The following GLB1L2 variants were observed in gnomAD, a reference collection of about 807,000 sequenced individuals.
GLB1L2 encodes the protein galactosidase beta 1 like 2, also known as beta-galactosidase-1-like protein 2.
In GLB1L2, 68 loss-of-function variants were observed where a neutral mutation model predicts 84.1. The ratio of observed to expected loss-of-function variants is 0.81; its 90% confidence interval spans 0.67 to 0.99. The LOEUF is 0.99. Among genes scored for constraint, GLB1L2 ranks in the 50% least tolerant of loss-of-function variants. The pLI, the probability that GLB1L2 is intolerant of heterozygous loss-of-function variation, is 0.00. For missense variants in GLB1L2, 762 were observed against 805.6 expected (o/e 0.95, Z 0.66); for synonymous variants, 290 against 318.0 (o/e 0.91, Z 0.94).
In GLB1L2 at chr11:134,334,128, G is replaced by A. The variant is rs956969034; in HGVS notation, c.86+1981G>A. Among the ~76,000 whole-genome samples the A allele has an allele frequency of 6.6e-6, 1 of 152,080 alleles. No homozygotes were observed. The highest frequency in any genetic ancestry group is 2.4e-5 in the African/African-American group (1 of 41,406). On this transcript the variant is annotated intron_variant, in intron 1 of 18. Coordinates refer to ENST00000535456, the MANE Select transcript of GLB1L2 (RefSeq NM_001370461.1). The surrounding 1 kb of genome is among the most constrained non-coding windows in gnomAD (Gnocchi z 4.1). ...TCCTGTCTTGCCCCAGCTCTGACTGGGTCATTAACTGAGTGGGAGGTGGGG... is the reference window on the plus strand; with the variant it reads ...TCCTGTCTTGCCCCAGCTCTGACTGAGTCATTAACTGAGTGGGAGGTGGGG...
chr11:134,368,389 A>G (rs1207285735), intron 9 of GLB1L2, among the ~76,000 whole-genome samples: 3 of 152,190 alleles, frequency 2.0e-5, no homozygotes, highest in East Asian at 1.9e-4. Flanking sequence ...GGTGGTCCAC[A>G]TGGAGCTCAG....
intron 6 of GLB1L2, among the ~76,000 whole-genome samples, chr11:134,357,803 G>A (rs1416753867): frequency 6.6e-6 from 1 of 152,260 alleles, no homozygotes; most frequent in East Asian, 1.9e-4. Flanking sequence ...AGTGGTGTGA[G>A]AGAACAGGTG....
At chr11:134,343,497 A>G (rs932830655) in intron 2 of GLB1L2, among the ~76,000 whole-genome samples, 2 of 152,192 alleles carry the variant, frequency 1.3e-5, no homozygotes, top group African/African-American at 4.8e-5. Context: ...TTTCCCCCCA[A>G]ATTGCCAACT....
At chr11:134,369,770 C>T (rs756281925) in intron 10 of GLB1L2, 35 bp from the exon 11 acceptor site, 1 of 1,587,436 alleles carries the variant, frequency 6.3e-7, no homozygotes, top group South Asian at 1.1e-5. Context: ...GTGCTGGGGA[C>T]AGGAATGACC....
chr11:134,362,691 C>T (rs79816300), intron 7 of GLB1L2, among the ~76,000 whole-genome samples: 1,882 of 152,334 alleles, frequency 0.012, 36 homozygotes, highest in African/African-American at 0.043. Context: ...CCCGCCCTCC[C>T]CTCCACCTGC....
intron 8 of GLB1L2, 68 bp from the exon 9 acceptor site, chr11:134,367,189 C>T (rs1229932116): frequency 1.5e-6 from 2 of 1,300,078 alleles, no homozygotes; most frequent in Admixed American, 1.8e-5. Context: ...GGGCTCCCCT[C>T]CATGAAGAGC....
At chr11:134,345,580 C>T (rs906223503) in intron 4 of GLB1L2, among the ~76,000 whole-genome samples, 1 of 152,220 alleles carries the variant, frequency 6.6e-6, no homozygotes, top group African/African-American at 2.4e-5. Context: ...AAGCGATTCT[C>T]CTGCCTCAGC....
intron 1 of GLB1L2, among the ~76,000 whole-genome samples, chr11:134,336,420 GATAGCTACAC>G (rs1192008307): frequency 6.6e-6 from 1 of 152,150 alleles, no homozygotes; most frequent in Admixed American, 6.5e-5. Flanking sequence ...TATACAAGAA[GATAGCTACAC>G]ATATTATCCC....
chr11:134,367,868 C>G (rs1220397486), intron 9 of GLB1L2, among the ~76,000 whole-genome samples: 1 of 152,234 alleles, frequency 6.6e-6, no homozygotes, highest in East Asian at 1.9e-4. Context: ...GACACAGTCT[C>G]CCGGGTTGTT....
intron 10 of GLB1L2, 137 bp downstream of exon 10, chr11:134,368,918 C>T: frequency 2.3e-6 from 2 of 881,196 alleles, no homozygotes; most frequent in East Asian, 2.6e-5. Context: ...AGGTACTTGC[C>T]TGGACAGTCA....
intron 16 of GLB1L2, 102 bp from the exon 17 acceptor site, chr11:134,374,043 G>T (rs1943992716): frequency 1.0e-5 from 9 of 872,720 alleles, no homozygotes; most frequent in Admixed American, 1.9e-5. Flanking sequence ...GAGGCGGGGG[G>T]CCTTGGATGG....
rs536838066 is a variant in GLB1L2 at position 134,356,369 on chromosome 11, C to T, written c.627C>T (p.Pro209=). The T allele has an allele frequency of 6.3e-5, 101 of 1,613,326 alleles. No homozygotes were observed. The East Asian group carries it at 1.4e-3, about 22-fold the overall frequency. ...AATATGGTTCCTATAATAAAGACCC[C>T]GCATACATGCCCTACGTCAAGAAGG... ...ENEYGSYNKD[P]AYMPYVKKAL... is the part of the protein sequence containing the mutation. Residue 209 remains proline (P), a synonymous_variant, in exon 6 of 19, where the codon CCC becomes CCT. Transcript: ENST00000535456.
Position 134,370,540 on chromosome 11 carries a change from T to A in GLB1L2, c.1215+141T>A. ...GCCTGGAGCCCCTCCAGACAGGGAG[T>A]GTGGGGGGAGGCAGGCCAGTGCCTG... On this transcript the variant is annotated intron_variant, in intron 12 of 18. Transcript: ENST00000535456. This position sits in a 1 kb window ranked among gnomAD's most constrained non-coding sequence, Gnocchi z 4.7. 1.5e-6 allele frequency: 1 copy of A among 665,280 alleles called. No homozygotes were observed. Among genetic ancestry groups the A allele is most frequent in the Non-Finnish European group, 2.6e-6 (1 of 379,192 alleles). The allele number at this position is 665,280 out of a possible 1,614,324, so 41.2% of individuals were successfully genotyped here.
At position 134,371,238 on chromosome 11, in the gene GLB1L2, C is replaced by G. The variant is rs529602140; in HGVS notation, c.1356+90C>G. Reference sequence around the variant, plus strand: ...GCCCTCCCCTCAGAATCAGCTCTTACCAGTGTGTGACAATGGCCCTTCTGA... The same window carrying G: ...GCCCTCCCCTCAGAATCAGCTCTTAGCAGTGTGTGACAATGGCCCTTCTGA... On this transcript the variant is annotated intron_variant, in intron 13 of 18. Coordinates refer to ENST00000535456, the MANE Select transcript of GLB1L2 (RefSeq NM_001370461.1). 3 of 1,508,696 alleles carry G rather than the reference C, an allele frequency of 2.0e-6. No homozygotes were observed. In the African/African-American group the frequency reaches 4.1e-5, roughly 21 times the overall value. The allele number at this position is 1,508,696 out of a possible 1,614,324, so 93.5% of individuals were successfully genotyped here.
chr11:134,337,272 A>T (rs1943401243), intron 1 of GLB1L2, among the ~76,000 whole-genome samples: 1 of 152,354 alleles, frequency 6.6e-6, no homozygotes, highest in Admixed American at 6.5e-5. Flanking sequence ...TGCAAGATGC[A>T]TATACTTGCC....
chr11:134,374,035 G>T (rs1290436488), intron 16 of GLB1L2, 110 bp from the exon 17 acceptor site: 3 of 840,394 alleles, frequency 3.6e-6, no homozygotes, highest in Non-Finnish European at 6.0e-6. Flanking sequence ...CTGGTTAAGA[G>T]GCGGGGGGCC....
In GLB1L2 at chr11:134,370,491, G is replaced by A; in HGVS notation, c.1215+92G>A. The A allele has an allele frequency of 1.0e-6, 1 of 987,626 alleles. No homozygotes were observed. The highest frequency in any genetic ancestry group is 1.6e-6 in the Non-Finnish European group (1 of 630,438). 61.2% of individuals were successfully genotyped at this position (987,626 alleles called of 1,614,324 possible). ...GTGCTGGGGGCAGTCGTCGGCGGGA[G>A]GTGAGAGTCGTCGGGGCAGCAGGGC... On this transcript the variant is annotated intron_variant, in intron 12 of 18. Coordinates refer to ENST00000535456, the MANE Select transcript of GLB1L2 (RefSeq NM_001370461.1). The surrounding 1 kb of genome is among the most constrained non-coding windows in gnomAD (Gnocchi z 4.7).
intron 2 of GLB1L2, among the ~76,000 whole-genome samples, chr11:134,344,021 G>A (rs751731357): frequency 1.3e-5 from 2 of 152,176 alleles, no homozygotes; most frequent in African/African-American, 2.4e-5. Flanking sequence ...TTGGAATTCC[G>A]GGGCTTCAGT....
At position 134,375,395 on chromosome 11, in the gene GLB1L2, G is replaced by A. The variant is rs773066137; in HGVS notation, c.*337G>A. ...GCTGAAACGTGCCCTTGCACTGGAC[G>A]TCACAGCCCTGCGAGCATCTGCTGG... On this transcript the variant is annotated 3_prime_UTR_variant, in exon 19 of 19. Coordinates refer to ENST00000535456, the MANE Select transcript of GLB1L2 (RefSeq NM_001370461.1). 9 of 260,068 alleles carry A rather than the reference G, an allele frequency of 3.5e-5. No individual in the cohort carries two copies. Among genetic ancestry groups the A allele is most frequent in the Non-Finnish European group, 5.1e-5 (7 of 137,978 alleles). The allele number at this position is 260,068 out of a possible 1,614,324, so 16.1% of individuals were successfully genotyped here. A position where few individuals can be genotyped will look rare whatever the true frequency, so the allele number is the denominator to read the frequency against.
Sources: gnomAD v4.1 joint callset for allele counts (sites outside exome capture counted in the v4.1 genomes callset) on GRCh38, gnomAD v4.1.1 for gene constraint, Gnocchi (gnomAD v3.1) non-coding constraint, MANE v1.5 for transcripts, NCBI Gene and HGNC (gene_info 2026-07-23, HGNC 2026-07-21) for gene names.